Variants in ADGRB3 observed in about 807,000 individuals in gnomAD.
ADGRB3 encodes the protein adhesion G protein-coupled receptor B3.
A neutral mutation model predicts 193.4 loss-of-function variants in ADGRB3; 37 were observed. That is an observed-to-expected ratio of 0.19 (90% CI 0.15 to 0.25). The LOEUF is 0.25. Ranked by LOEUF, ADGRB3 falls within the 10% of genes least tolerant of loss-of-function variation. The pLI is 1.00. For missense variants in ADGRB3, 1,637 were observed against 1,852.9 expected, an observed-to-expected ratio of 0.88 and a Z score of 2.14; for synonymous variants, 690 against 644.2, an observed-to-expected ratio of 1.07 and a Z score of -1.08.
rs530420188 is a variant in ADGRB3, at chr6:69,075,932, A to G, written c.2437-63A>G. The G allele has an allele frequency of 2.6e-5, 32 of 1,217,354 alleles. No individual in the cohort carries two copies. In the South Asian group the frequency reaches 2.8e-4, roughly 11 times the overall value. 75.4% of individuals were successfully genotyped at this position (1,217,354 alleles called of 1,614,324 possible). A position where few individuals can be genotyped will look rare whatever the true frequency, so the allele number is the denominator to read the frequency against. On this transcript the variant is annotated intron_variant, in intron 16 of 31. Coordinates refer to ENST00000370598, the MANE Select transcript of ADGRB3 (RefSeq NM_001704.3). ...TTCCATTCTGTTTCTATTTCACATA[A>G]TCCCTCAATCTTTTTATATATGTAC...
At chr6:68,847,549 G>T (rs1031404769) in intron 3 of ADGRB3, among the ~76,000 whole-genome samples, 1 of 152,110 alleles carries the variant, frequency 6.6e-6, no homozygotes, top group Non-Finnish European at 1.5e-5. Flanking sequence ...GATCTAATGG[G>T]TTTATCAGGG....
intron 19 of ADGRB3, 35 bp downstream of exon 19, chr6:69,235,170 C>T: frequency 7.0e-7 from 1 of 1,427,940 alleles, no homozygotes; most frequent in Non-Finnish European, 9.8e-7. Flanking sequence ...AAATGCAATG[C>T]TTAGTTGTTC....
At chr6:69,334,157 A>G (rs756623142) in intron 24 of ADGRB3, among the ~76,000 whole-genome samples, 3 of 151,896 alleles carry the variant, frequency 2.0e-5, no homozygotes, top group Non-Finnish European at 4.4e-5. Context: ...GTCCTTCCCT[A>G]TAGAAAGTTT....
intron 20 of ADGRB3, among the ~76,000 whole-genome samples, chr6:69,251,742 T>C (rs1483726878): frequency 6.6e-6 from 1 of 152,192 alleles, no homozygotes; most frequent in African/African-American, 2.4e-5. Flanking sequence ...ACTTAACATA[T>C]CCATTACCTG....
chr6:68,886,659 C>T (rs1324143177), intron 3 of ADGRB3, among the ~76,000 whole-genome samples: 1 of 151,924 alleles, frequency 6.6e-6, no homozygotes, highest in Non-Finnish European at 1.5e-5. Flanking sequence ...ATTCAGAAAA[C>T]TAAAGAGCAA....
intron 3 of ADGRB3, among the ~76,000 whole-genome samples, chr6:68,758,901 C>A (rs781765285): frequency 6.6e-6 from 1 of 152,078 alleles, no homozygotes; most frequent in Admixed American, 6.6e-5. Flanking sequence ...GAATTACAAC[C>A]AGCTTTGTTC....
intron 3 of ADGRB3, among the ~76,000 whole-genome samples, chr6:68,642,484 G>A (rs1329856202): frequency 2.0e-5 from 3 of 151,970 alleles, no homozygotes; most frequent in African/African-American, 7.2e-5. Context: ...AGAAAAGAAC[G>A]GCAAGAAAAC....
At chr6:69,055,598 G>T (rs1342280952) in intron 15 of ADGRB3, among the ~76,000 whole-genome samples, 1 of 152,076 alleles carries the variant, frequency 6.6e-6, no homozygotes, top group Non-Finnish European at 1.5e-5. Context: ...TGATGAACAT[G>T]GGTGTTCAAA....
intron 3 of ADGRB3, among the ~76,000 whole-genome samples, chr6:68,919,958 G>T (rs1457078396): frequency 6.6e-6 from 1 of 152,142 alleles, no homozygotes; most frequent in Non-Finnish European, 1.5e-5. Flanking sequence ...TCAAGAATCA[G>T]GGGCTCAATT....
intron 3 of ADGRB3, among the ~76,000 whole-genome samples, chr6:68,911,926 G>A (rs962142091): frequency 8.2e-5 from 12 of 146,202 alleles, no homozygotes; most frequent in Admixed American, 4.2e-4. Flanking sequence ...ACTTGTTTTT[G>A]AGGTCAATCT....
chr6:68,808,860 C>T (rs1273407468), intron 3 of ADGRB3, among the ~76,000 whole-genome samples: 3 of 152,224 alleles, frequency 2.0e-5, no homozygotes, highest in East Asian at 1.9e-4. Flanking sequence ...AGAAGACCAC[C>T]TGTAAAAGAG....
intron 24 of ADGRB3, among the ~76,000 whole-genome samples, chr6:69,334,681 A>T (rs1768807455): frequency 6.6e-6 from 1 of 152,218 alleles, no homozygotes; most frequent in African/African-American, 2.4e-5. Flanking sequence ...TTAATCATGT[A>T]AGAATATACT....
At chr6:68,782,411 T>C (rs547699084) in intron 3 of ADGRB3, among the ~76,000 whole-genome samples, 25 of 152,178 alleles carry the variant, frequency 1.6e-4, no homozygotes, top group African/African-American at 5.1e-4. Context: ...TTTGCTATTG[T>C]GAATAGTGCC....
intron 3 of ADGRB3, among the ~76,000 whole-genome samples, chr6:68,734,445 A>G (rs1765834239): frequency 6.6e-6 from 1 of 151,994 alleles, no homozygotes; most frequent in Non-Finnish European, 1.5e-5. Flanking sequence ...TCCTTTTATC[A>G]TAATGATGTG....
intron 17 of ADGRB3, among the ~76,000 whole-genome samples, chr6:69,174,824 A>G (rs1006267038): frequency 1.3e-5 from 2 of 152,102 alleles, no homozygotes; most frequent in South Asian, 4.1e-4. Context: ...ATGGTATCTC[A>G]TTGTGATTTT....
chr6:69,095,597 A>G (rs1251766924), intron 17 of ADGRB3, among the ~76,000 whole-genome samples: 1 of 152,210 alleles, frequency 6.6e-6, no homozygotes, highest in East Asian at 1.9e-4. Flanking sequence ...TTTTCCGTTT[A>G]TCACGTGTTC....
intron 3 of ADGRB3, among the ~76,000 whole-genome samples, chr6:68,678,634 T>C (rs114354099): frequency 1.3e-5 from 2 of 152,330 alleles, no homozygotes; most frequent in African/African-American, 4.8e-5. Context: ...AATTGAGGAA[T>C]ATATCCAGGT....
At chr6:68,815,192 G>A (rs1388431813) in intron 3 of ADGRB3, among the ~76,000 whole-genome samples, 1 of 152,026 alleles carries the variant, frequency 6.6e-6, no homozygotes, top group Non-Finnish European at 1.5e-5. Flanking sequence ...AGTCCTTCGC[G>A]GCTCCTACTC....
chr6:68,785,661 T>A (rs1297398616), intron 3 of ADGRB3, among the ~76,000 whole-genome samples: 3 of 152,056 alleles, frequency 2.0e-5, no homozygotes, highest in African/African-American at 7.2e-5. Context: ...TAATCCTTTG[T>A]GTATATACAC....
Sources: allele counts gnomAD v4.1 joint callset (sites outside exome capture counted in the v4.1 genomes callset), GRCh38; gene constraint gnomAD v4.1.1; transcripts MANE v1.5; gene names NCBI Gene and HGNC (gene_info 2026-07-23, HGNC 2026-07-21).